BMPR2: variants seen among roughly 807,000 people sequenced by gnomAD.
BMPR2 encodes bone morphogenetic protein receptor type 2.
BMPR2 carries 29 observed loss-of-function variants against 100.8 expected under a neutral mutation model. The ratio of observed to expected loss-of-function variants is 0.29; its 90% CI spans 0.21 to 0.39. The LOEUF is 0.39. BMPR2 is among the 10% of genes least tolerant of loss of function. The probability of loss-of-function intolerance (pLI) is 1.00; values close to 1 mark genes in which losing one functional copy is unlikely to be tolerated. For missense variants in BMPR2, 1,011 were observed against 1,274.5 expected, an observed-to-expected ratio of 0.79 and a Z score of 3.15; for synonymous variants, 382 against 442.3, an observed-to-expected ratio of 0.86 and a Z score of 1.71.
At chr2:202,457,252 G>A (rs1199340339) in intron 1 of BMPR2, among the ~76,000 whole-genome samples, 1 of 151,648 alleles carries the variant, frequency 6.6e-6, no homozygotes, top group East Asian at 1.9e-4. Flanking sequence ...ATAATAAATA[G>A]CCTTATATGT....
Position 202,553,178 on chromosome 2 carries a change from A to G in BMPR2, c.1586+290A>G, listed in dbSNP as rs112972072. 0.043 allele frequency among the ~76,000 whole-genome samples: 6,600 copies of G among 152,162 alleles called. 219 individuals carry two copies. The highest frequency in any genetic ancestry group is 0.064 in the Non-Finnish European group (4,337 of 67,992). On this transcript the variant is annotated intron_variant, in intron 11 of 12. Transcript: ENST00000374580. ...GCAATAATAAAGGTAAAATGTTTTT[A>G]TAACTCCAAAAGTTCATAAGCACTT...
At chr2:202,476,877 T>A (rs1692562009) in intron 3 of BMPR2, among the ~76,000 whole-genome samples, 1 of 151,328 alleles carries the variant, frequency 6.6e-6, no homozygotes, top group Admixed American at 6.6e-5. Flanking sequence ...TTTGAGCACT[T>A]CTCAAAATGT....
intron 1 of BMPR2, among the ~76,000 whole-genome samples, chr2:202,398,781 GCTATACAAAGCA>G (rs1255530926): frequency 6.6e-6 from 1 of 152,176 alleles, no homozygotes; most frequent in Non-Finnish European, 1.5e-5. Context: ...GTATTTTGTA[GCTATACAAAGCA>G]TCTGGATCCC....
chr2:202,483,109 C>G (rs974621673), intron 3 of BMPR2, among the ~76,000 whole-genome samples: 19 of 151,980 alleles, frequency 1.3e-4, no homozygotes, highest in African/African-American at 4.3e-4. Flanking sequence ...TTTATATTTC[C>G]CTAATGATTG....
intron 1 of BMPR2, among the ~76,000 whole-genome samples, chr2:202,454,019 C>T (rs1173055575): frequency 2.0e-5 from 3 of 152,034 alleles, no homozygotes; most frequent in Admixed American, 6.6e-5. Flanking sequence ...TGCAGTAAGA[C>T]TAGGACCACT....
chr2:202,531,862 A>T (rs1177629057), intron 8 of BMPR2, among the ~76,000 whole-genome samples: 1 of 147,492 alleles, frequency 6.8e-6, no homozygotes, highest in Non-Finnish European at 1.5e-5. Flanking sequence ...TCCTGACCTT[A>T]GGTGATCCAC....
At chr2:202,392,758 C>T (rs1182762362) in intron 1 of BMPR2, among the ~76,000 whole-genome samples, 4 of 151,456 alleles carry the variant, frequency 2.6e-5, no homozygotes. Context: ...TTTGGGAGGC[C>T]GAGGCGGGCA....
In BMPR2 at chr2:202,556,270, C is replaced by G; in HGVS notation, c.2605C>G (p.Pro869Ala). The change falls in exon 12 of 13, where the codon CCT becomes GCT. Residue 869 changes from proline (P) to alanine (A), a missense_variant. Transcript: ENST00000374580. Reference protein sequence around the residue: ...NINSSPDEHEPLLRREQQAGH... With the variant: ...NINSSPDEHEALLRREQQAGH... ...TAATTCCAGTCCTGATGAGCATGAG[C>G]CTTTACTGAGACGAGAGCAACAAGC... The G allele has an allele frequency of 6.2e-7, 1 of 1,614,220 alleles. No homozygotes were observed. The highest frequency in any genetic ancestry group is 8.5e-7 in the Non-Finnish European group (1 of 1,180,044).
chr2:202,388,920 A>T (rs776044461), intron 1 of BMPR2, among the ~76,000 whole-genome samples: 15 of 152,134 alleles, frequency 9.9e-5, no homozygotes, highest in Non-Finnish European at 2.1e-4. Flanking sequence ...ATTCTTTAAT[A>T]GATTAAATTC....
rs754960540 is a variant in BMPR2 at position 202,555,931 on chromosome 2, A to G, written c.2266A>G (p.Thr756Ala). The G allele has an allele frequency of 1.2e-6, 2 of 1,614,058 alleles. No individual in the cohort carries two copies. Among genetic ancestry groups the G allele is most frequent in the African/African-American group, 2.7e-5 (2 of 74,920 alleles). The change falls in exon 12 of 13, where the codon ACT (threonine) becomes GCT (alanine). Residue 756 changes from threonine to alanine, a missense_variant. Physicochemically the swap from Thr to Ala is moderately conservative, Grantham distance 58. Transcript: ENST00000374580. ...PKQQNLPKRP[T>A]SLPLNTKNST... is the part of the protein sequence containing the mutation. ...GCAGCAGAACCTTCCCAAGAGACCT[A>G]CTAGTTTGCCTTTGAACACCAAAAA...
rs1688653105 is a variant in BMPR2, at chr2:202,560,032, T to A, written c.*86T>A. On this transcript the variant is annotated 3_prime_UTR_variant, in exon 13 of 13. Transcript: ENST00000374580. ...TTTAAAAATAAAAAAAAAACTGCTT[T>A]ATCCTCCTGTCAGCACCCCCTCCCA... is the stretch of plus-strand genomic sequence containing the variant. 1.3e-6 allele frequency: 2 copies of A among 1,547,526 alleles called. No homozygotes were observed.
intron 3 of BMPR2, among the ~76,000 whole-genome samples, chr2:202,490,180 G>A (rs1469948864): frequency 6.6e-6 from 1 of 152,132 alleles, no homozygotes; most frequent in East Asian, 1.9e-4. Flanking sequence ...CAAGTTATGT[G>A]GCCAGATTCA....
intron 9 of BMPR2, among the ~76,000 whole-genome samples, chr2:202,540,020 C>A (rs1273783856): frequency 6.6e-6 from 1 of 152,060 alleles, no homozygotes; most frequent in Non-Finnish European, 1.5e-5. Context: ...ATCTCTAATA[C>A]CTAACACTAA....
intron 1 of BMPR2, among the ~76,000 whole-genome samples, chr2:202,446,290 T>C (rs561712239): frequency 2.0e-4 from 30 of 149,992 alleles, no homozygotes; most frequent in Middle Eastern, 6.8e-3. Flanking sequence ...TCCCAGCTAC[T>C]TGGGAGGCTG....
At chr2:202,551,243 G>T (rs1239756684) in intron 10 of BMPR2, among the ~76,000 whole-genome samples, 2 of 151,598 alleles carry the variant, frequency 1.3e-5, no homozygotes, top group Non-Finnish European at 1.5e-5. Flanking sequence ...CTGGCCAGGC[G>T]CAGTGACTCA....
In BMPR2 at chr2:202,566,988, C is replaced by T. The variant is rs1032751352; in HGVS notation, c.*7042C>T. ...AATTCAAAGATAGGTCCCAGTTTAA[C>T]ACTGAATTGCTTGACTTCTGTGGCT... On this transcript the variant is annotated 3_prime_UTR_variant, in exon 13 of 13. Coordinates refer to ENST00000374580, the MANE Select transcript of BMPR2 (RefSeq NM_001204.7). 13 of 152,194 alleles carry T rather than the reference C, an allele frequency of 8.5e-5. No homozygotes were observed. Among genetic ancestry groups the T allele is most frequent in the African/African-American group, 3.1e-4 (13 of 41,450 alleles). 9.4% of individuals were successfully genotyped at this position (152,194 alleles called of 1,614,324 possible).
chr2:202,546,778 G>A (rs1688382613), intron 10 of BMPR2, among the ~76,000 whole-genome samples: 7 of 151,858 alleles, frequency 4.6e-5, no homozygotes. Context: ...TAGTTTTTGT[G>A]TTTTTCGTAG....
At chr2:202,508,070 CTATTATTATTATTATTAT>C (rs4032712) in intron 3 of BMPR2, among the ~76,000 whole-genome samples, 28 of 139,772 alleles carry the variant, frequency 2.0e-4, no homozygotes, top group South Asian at 7.0e-4. Flanking sequence ...TCATTTGAGG[CTATTATTATTATTATTAT>C]TATTATTATT....
chr2:202,427,841 G>C (rs1691420890), intron 1 of BMPR2, among the ~76,000 whole-genome samples: 2 of 152,004 alleles, frequency 1.3e-5, no homozygotes, highest in African/African-American at 4.8e-5. Context: ...AGCCAGGCAT[G>C]GTGGCACGCA....
Sources: gnomAD v4.1 joint callset for allele counts (sites outside exome capture counted in the v4.1 genomes callset) on GRCh38, gnomAD v4.1.1 for gene constraint, MANE v1.5 for transcripts, NCBI Gene and HGNC (gene_info 2026-07-23, HGNC 2026-07-21) for gene names.